The following RFTN1 variants were observed in gnomAD, a reference collection of about 807,000 sequenced individuals.
The protein encoded by RFTN1 is raftlin, lipid raft linker 1, also known as raftlin.
A neutral mutation model predicts 46.5 loss-of-function variants in RFTN1; 26 were observed. The ratio of observed to expected loss-of-function variants is 0.56; its 90% CI spans 0.41 to 0.78. RFTN1 has a LOEUF of 0.78. Among genes scored for constraint, RFTN1 ranks in the 30% least tolerant of loss-of-function variants. The pLI, the probability that RFTN1 is intolerant of heterozygous loss-of-function variation, is 0.00. For synonymous variants in RFTN1, 261 were observed against 284.2 expected (o/e 0.92, Z 0.82); for missense variants, 693 against 718.7 (o/e 0.96, Z 0.41).
intron 2 of RFTN1, among the ~76,000 whole-genome samples, chr3:16,454,326 A>G (rs1415583625): frequency 6.6e-6 from 1 of 152,242 alleles, no homozygotes; most frequent in Non-Finnish European, 1.5e-5. Context: ...TTCTCAGCAA[A>G]GTGGCAGCTG....
At chr3:16,371,767 CA>C (rs2073514178) in intron 5 of RFTN1, among the ~76,000 whole-genome samples, 1 of 152,200 alleles carries the variant, frequency 6.6e-6, no homozygotes, top group African/African-American at 2.4e-5. Context: ...ATCCCCACGC[CA>C]AGTTGCTTTT....
rs999033121 is a variant in RFTN1 at position 16,338,026 on chromosome 3, C to T, written c.1147-11150G>A. Among the ~76,000 whole-genome samples, 1 of 152,140 alleles carries T rather than the reference C, an allele frequency of 6.6e-6. No individual in the cohort carries two copies. Among genetic ancestry groups the T allele is most frequent in the African/African-American group, 2.4e-5 (1 of 41,426 alleles). On this transcript the variant is annotated intron_variant, in intron 7 of 9. Coordinates refer to ENST00000334133, the MANE Select transcript of RFTN1 (RefSeq NM_015150.2). This position sits in a 1 kb window ranked among gnomAD's most constrained non-coding sequence, Gnocchi z 5.3. ...TAGATCGTCCTAGCTCGAGATGTTG[C>T]CCTGGCTTCTCCTAAAGCACCATGC...
At chr3:16,375,977 G>T (rs1187358251) in intron 5 of RFTN1, among the ~76,000 whole-genome samples, 3 of 152,208 alleles carry the variant, frequency 2.0e-5, no homozygotes, top group African/African-American at 7.2e-5. Context: ...CTGGGCACCT[G>T]CGGAAGTTCC....
At chr3:16,508,688 A>ACACG (rs10558755) in intron 1 of RFTN1, among the ~76,000 whole-genome samples, 4 of 136,744 alleles carry the variant, frequency 2.9e-5, no homozygotes, top group Admixed American at 7.0e-5. Flanking sequence ...AGGAAAGATC[A>ACACG]CACGCACGCA....
At chr3:16,358,073 TGGG>T in intron 6 of RFTN1, 26 bp from the exon 7 acceptor site, 1 of 384,508 alleles carries the variant, frequency 2.6e-6, no homozygotes, top group Middle Eastern at 3.5e-4. Flanking sequence ...AAGGCGGGGG[TGGG>T]GGGGGTCTGT....
rs2075648947 is a variant in RFTN1 at position 16,442,571 on chromosome 3, T to A, written c.146-8534A>T. 6.6e-6 allele frequency among the ~76,000 whole-genome samples: 1 copy of A among 152,190 alleles called. No individual in the cohort carries two copies. The highest frequency in any genetic ancestry group is 1.5e-5 in the Non-Finnish European group (1 of 68,036). On this transcript the variant is annotated intron_variant, in intron 2 of 9. Transcript: ENST00000334133. The surrounding 1 kb of genome is among the most constrained non-coding windows in gnomAD (Gnocchi z 4.1). ...ATAACCATCATCTCACATAGTTAGT[T>A]TTCTTTTTTGTGCGTGGTAAGAGTA...
Position 16,449,066 on chromosome 3 carries a change from C to T in RFTN1, c.146-15029G>A, listed in dbSNP as rs1283131838. 6.6e-6 allele frequency among the ~76,000 whole-genome samples: 1 copy of T among 152,182 alleles called. No individual in the cohort carries two copies. The highest frequency in any genetic ancestry group is 1.5e-5 in the Non-Finnish European group (1 of 68,036). ...ATGTTTCAACTTAACATAGTTTTCC[C>T]CTTCCTGTACTTTCTGGTCTGGTTC... On this transcript the variant is annotated intron_variant, in intron 2 of 9. Transcript: ENST00000334133. The surrounding 1 kb of genome is among the most constrained non-coding windows in gnomAD (Gnocchi z 5.1).
At chr3:16,326,729 G>C in intron 8 of RFTN1, 44 bp downstream of exon 8, 1 of 1,416,258 alleles carries the variant, frequency 7.1e-7, no homozygotes, top group South Asian at 1.2e-5. Context: ...GACTAGCACA[G>C]AGTAAGTGTT....
At position 16,466,215 on chromosome 3, in the gene RFTN1, A is replaced by C. The variant is rs1448656501; in HGVS notation, c.145+27510T>G. On this transcript the variant is annotated intron_variant, in intron 2 of 9. Transcript: ENST00000334133. The surrounding 1 kb of genome is among the most constrained non-coding windows in gnomAD (Gnocchi z 5.6). Reference sequence around the variant, plus strand: ...AGCACGTCCTGCTCTTGCAACAAAGAACACTTTTAACTTGCATCGTCCTCT... The same window carrying C: ...AGCACGTCCTGCTCTTGCAACAAAGCACACTTTTAACTTGCATCGTCCTCT... Among the ~76,000 whole-genome samples the C allele has an allele frequency of 6.6e-6, 1 of 152,202 alleles. No homozygotes were observed. Among genetic ancestry groups the C allele is most frequent in the African/African-American group, 2.4e-5 (1 of 41,434 alleles).
chr3:16,467,568 G>C (rs987783613), intron 2 of RFTN1, among the ~76,000 whole-genome samples: 2 of 152,244 alleles, frequency 1.3e-5, no homozygotes, highest in Non-Finnish European at 2.9e-5. Flanking sequence ...CTGTAAGAGA[G>C]TGGGCAGGGC....
At chr3:16,482,693 G>T in intron 2 of RFTN1, 1 of 1,310,252 alleles carries the variant, frequency 7.6e-7, no homozygotes, top group Non-Finnish European at 1.1e-6. Context: ...CACCATGCAT[G>T]CCACATTAGC....
intron 2 of RFTN1, among the ~76,000 whole-genome samples, chr3:16,476,785 A>C (rs1004019272): frequency 6.6e-6 from 1 of 152,170 alleles, no homozygotes; most frequent in East Asian, 1.9e-4. Context: ...AAATCCTACA[A>C]ATCAGATATA....
rs114577053 is a variant in RFTN1 at position 16,338,575 on chromosome 3, T to G, written c.1147-11699A>C. ...TAGAAATAGCTTTGTTTGATAACAA[T>G]TAAAAAAGAAACATTTTCTCCATCC... is the stretch of plus-strand genomic sequence containing the variant. On this transcript the variant is annotated intron_variant, in intron 7 of 9. Transcript: ENST00000334133. The surrounding 1 kb of genome is among the most constrained non-coding windows in gnomAD (Gnocchi z 5.3). Among the ~76,000 whole-genome samples the G allele has an allele frequency of 9.0e-3, 1,368 of 152,316 alleles. 26 individuals carry two copies. The highest frequency in any genetic ancestry group is 0.03 in the African/African-American group (1,253 of 41,570).
chr3:16,427,688 T>C lies in RFTN1; in HGVS notation c.332+6163A>G, dbSNP rs2075310782. On this transcript the variant is annotated intron_variant, in intron 3 of 9. Transcript: ENST00000334133. The surrounding 1 kb of genome is among the most constrained non-coding windows in gnomAD (Gnocchi z 5.4). ...GAGGAATCTGTTCTAGAACAAGGAC[T>C]GCAGTAGCCTTGGCTAAGTCAGCAG... 6.6e-6 allele frequency among the ~76,000 whole-genome samples: 1 copy of C among 152,238 alleles called. No homozygotes were observed. The highest frequency in any genetic ancestry group is 2.1e-4 in the South Asian group (1 of 4,836).
chr3:16,432,870 C>T, intron 3 of RFTN1, among the ~76,000 whole-genome samples: 1 of 152,094 alleles, frequency 6.6e-6, no homozygotes, highest in Admixed American at 6.5e-5. Context: ...GCTTGATCAA[C>T]CATGAAGAAA....
At chr3:16,453,639 A>G (rs76684216) in intron 2 of RFTN1, among the ~76,000 whole-genome samples, 3,193 of 152,328 alleles carry the variant, frequency 0.021, 109 homozygotes, top group African/African-American at 0.072. Context: ...ATTTAGTGGT[A>G]TAATTGTAAT....
In RFTN1 at chr3:16,329,496, G is replaced by C. The variant is rs1273998965; in HGVS notation, c.1147-2620C>G. Among the ~76,000 whole-genome samples the C allele has an allele frequency of 2.0e-5, 3 of 152,166 alleles. No homozygotes were observed. Among genetic ancestry groups the C allele is most frequent in the Non-Finnish European group, 4.4e-5 (3 of 68,032 alleles). ...CTTCCCTGAAGCCTCTATCAGGCCA[G>C]AGATGGCCCAGCAGTTGTGACCATC... On this transcript the variant is annotated intron_variant, in intron 7 of 9. Coordinates refer to ENST00000334133, the MANE Select transcript of RFTN1 (RefSeq NM_015150.2). The surrounding 1 kb of genome is among the most constrained non-coding windows in gnomAD (Gnocchi z 4.5).
At chr3:16,490,048 A>C (rs2076514919) in intron 2 of RFTN1, among the ~76,000 whole-genome samples, 1 of 152,206 alleles carries the variant, frequency 6.6e-6, no homozygotes, top group Admixed American at 6.5e-5. Context: ...CTGGGAGAAA[A>C]ACATGAGAGA....
intron 6 of RFTN1, among the ~76,000 whole-genome samples, chr3:16,368,474 A>AT: frequency 6.6e-6 from 1 of 152,342 alleles, no homozygotes. Flanking sequence ...AACTGAGACC[A>AT]TCCTGGCTAA....
Sources: gnomAD v4.1 joint callset for allele counts (sites outside exome capture counted in the v4.1 genomes callset) on GRCh38, gnomAD v4.1.1 for gene constraint, Gnocchi (gnomAD v3.1) non-coding constraint, MANE v1.5 for transcripts, NCBI Gene and HGNC (gene_info 2026-07-23, HGNC 2026-07-21) for gene names.